NACC1: variants seen among roughly 807,000 people sequenced by gnomAD.
NACC1 encodes nucleus accumbens associated 1.
NACC1 carries 6 observed loss-of-function variants against 41.7 expected under a neutral mutation model. The observed-to-expected ratio is 0.14, with a 90% CI of 0.08 to 0.28. The LOEUF (loss-of-function observed/expected upper bound fraction) is 0.28, where lower values mean the gene tolerates loss of function less well. Ranked by LOEUF, NACC1 falls within the 10% of genes least tolerant of loss-of-function variation. NACC1 has a pLI of 1.00. For synonymous variants in NACC1, 338 were observed against 330.6 expected, an observed-to-expected ratio of 1.02 and a Z score of -0.24; for missense variants, 434 against 763.7, an observed-to-expected ratio of 0.57 and a Z score of 5.09.
At chr19:13,120,191 C>T (rs967625341) in intron 1 of NACC1, among the ~76,000 whole-genome samples, 1 of 152,176 alleles carries the variant, frequency 6.6e-6, no homozygotes, top group African/African-American at 2.4e-5. Flanking sequence ...CTGGTCACCC[C>T]TTCTTCCCCA....
Position 13,135,958 on chromosome 19 carries a change from G to A in NACC1, c.751G>A (p.Gly251Ser), listed in dbSNP as rs756880593. The change falls in exon 2 of 6, where the codon GGT becomes AGT. Residue 251 changes from glycine (G) to serine (S), a missense_variant. Gly to Ser is a moderately conservative substitution (Grantham distance 56, BLOSUM62 0). Around this residue, in one of 4 missense-constraint regions of NACC1, gnomAD observed 234 missense variants for 308.3 expected, o/e 0.76. Transcript: ENST00000292431. The stretch of plus-strand genomic sequence containing the variant: ...AGCCGGTGGGGTGGCAGCAGCAGGG[G>A]GTGTGGTGAGTGGGCCCAGCACGTC... ...QPAGGVAAAG[G>S]VVSGPSTSER... 1 of 1,603,518 alleles carries A rather than the reference G, an allele frequency of 6.2e-7. No homozygotes were observed. Among genetic ancestry groups the A allele is most frequent in the Admixed American group, 1.7e-5 (1 of 57,828 alleles).
chr19:13,128,743 A>G (rs777239963), intron 1 of NACC1, among the ~76,000 whole-genome samples: 9 of 152,234 alleles, frequency 5.9e-5, no homozygotes, highest in African/African-American at 1.2e-4. Context: ...AGGCAGGGCT[A>G]CTTTGTCACC....
At chr19:13,124,075 G>C (rs1003182966) in intron 1 of NACC1, among the ~76,000 whole-genome samples, 3 of 152,154 alleles carry the variant, frequency 2.0e-5, no homozygotes, top group Admixed American at 1.3e-4. Flanking sequence ...CAGGGAAAGA[G>C]ATAACGAATT....
intron 1 of NACC1, among the ~76,000 whole-genome samples, 162 bp downstream of exon 1, chr19:13,118,616 G>A (rs914109999): frequency 1.6e-4 from 24 of 151,616 alleles, no homozygotes; most frequent in African/African-American, 5.6e-4. Context: ...AGCTACCGCG[G>A]GCGGCCTTGA....
At position 13,135,516 on chromosome 19, in the gene NACC1, G is replaced by A. The variant is rs138480405; in HGVS notation, c.309G>A (p.Thr103=). The A allele has an allele frequency of 9.9e-5, 160 of 1,613,614 alleles. No individual in the cohort carries two copies. The African/African-American group carries it at 1.9e-3, about 19-fold the overall frequency. The change falls in exon 2 of 6, where the codon ACG becomes ACA. Residue 103 remains threonine, a synonymous_variant. Coordinates refer to ENST00000292431, the MANE Select transcript of NACC1 (RefSeq NM_052876.4). ...NVGDQFLLMY[T]AGFLQIQEIM... ...GCGACCAGTTCCTGCTCATGTACAC[G>A]GCTGGCTTCCTGCAGATCCAGGAGA...
rs748747167 is a variant in NACC1, at chr19:13,138,325, G to A, written c.1503G>A (p.Pro501=). The A allele has an allele frequency of 3.9e-5, 63 of 1,613,958 alleles. No individual in the cohort carries two copies. Among genetic ancestry groups the A allele is most frequent in the African/African-American group, 1.6e-4 (12 of 74,932 alleles). The change falls in exon 6 of 6, where the codon CCG becomes CCA. Residue 501 remains proline, a synonymous_variant. Coordinates refer to ENST00000292431, the MANE Select transcript of NACC1 (RefSeq NM_052876.4). This position sits in a 1 kb window ranked among gnomAD's most constrained non-coding sequence, Gnocchi z 5.7. Reference sequence around the variant, plus strand: ...TCAGTGAAACGGGCAAGATCGAGCCGGACATGATGGGTGTGGAGCATGGCT... The same window carrying A: ...TCAGTGAAACGGGCAAGATCGAGCCAGACATGATGGGTGTGGAGCATGGCT... ...TFISETGKIE[P]DMMGVEHGFE... is the part of the protein sequence containing the mutation.
chr19:13,123,375 A>G (rs1599983815), intron 1 of NACC1, among the ~76,000 whole-genome samples: 1 of 152,318 alleles, frequency 6.6e-6, no homozygotes, highest in African/African-American at 2.4e-5. Context: ...AGCTTCTGCC[A>G]GGCTCTCCAA....
chr19:13,126,416 A>G (rs1428689954), intron 1 of NACC1, among the ~76,000 whole-genome samples: 1 of 152,158 alleles, frequency 6.6e-6, no homozygotes, highest in Non-Finnish European at 1.5e-5. Context: ...GGAAGAGGCA[A>G]ACATTCAGAC....
At position 13,140,986 on chromosome 19, in the gene NACC1, G is replaced by A. The variant is rs1410889444; in HGVS notation, c.*2580G>A. ...GCTGCCCACCCTGTCCACGTGAAGTGCCAACGCCCTCCCCACCCTGGGCCG... is the reference window on the plus strand; with the variant it reads ...GCTGCCCACCCTGTCCACGTGAAGTACCAACGCCCTCCCCACCCTGGGCCG... On this transcript the variant is annotated 3_prime_UTR_variant, in exon 6 of 6. Transcript: ENST00000292431. This position sits in a 1 kb window ranked among gnomAD's most constrained non-coding sequence, Gnocchi z 4.0. 2.0e-5 allele frequency: 3 copies of A among 152,430 alleles called. No homozygotes were observed. The highest frequency in any genetic ancestry group is 4.4e-5 in the Non-Finnish European group (3 of 68,012). 9.4% of individuals were successfully genotyped at this position (152,430 alleles called of 1,614,324 possible).
rs1463794381 is a variant in NACC1 at position 13,118,286 on chromosome 19, C to T, written c.-177C>T. On this transcript the variant is annotated 5_prime_UTR_variant, in exon 1 of 6. Coordinates refer to ENST00000292431, the MANE Select transcript of NACC1 (RefSeq NM_052876.4). The stretch of plus-strand genomic sequence containing the variant: ...GGCGCTCGGCTGGGGCGGCCTGGCC[C>T]ACAATGAATGGCCGCCGCGGCTGCC... The T allele has an allele frequency of 6.7e-6, 1 of 148,492 alleles. No homozygotes were observed. Among genetic ancestry groups the T allele is most frequent in the Non-Finnish European group, 1.5e-5 (1 of 66,550 alleles). 9.2% of individuals were successfully genotyped at this position (148,492 alleles called of 1,614,324 possible). A position where few individuals can be genotyped will look rare whatever the true frequency, so the allele number is the denominator to read the frequency against.
rs528861311 is a variant in NACC1, at chr19:13,138,036, A to C, written c.1325-111A>C. 8.9e-4 allele frequency: 1,334 copies of C among 1,501,682 alleles called. 3 individuals are homozygous for C. Among genetic ancestry groups the C allele is most frequent in the Non-Finnish European group, 1.0e-3 (1,114 of 1,109,512 alleles). 93.0% of individuals were successfully genotyped at this position (1,501,682 alleles called of 1,614,324 possible). A position where few individuals can be genotyped will look rare whatever the true frequency, so the allele number is the denominator to read the frequency against. ...TGTGGTGTCCTGGCCGCGTGGCCTC[A>C]CTCGTTTCCCCTTTGAGAGGGAGTC... On this transcript the variant is annotated intron_variant, in intron 5 of 5. Transcript: ENST00000292431. This position sits in a 1 kb window ranked among gnomAD's most constrained non-coding sequence, Gnocchi z 5.7.
In NACC1 at chr19:13,138,181, G is replaced by A. The variant is rs1332089590; in HGVS notation, c.1359G>A (p.Glu453=). ...AGAACTTCGCCCCCAACTTCAAGGA[G>A]AGCGAGATGAATGCCATCGCGGCCG... ...YCQNFAPNFK[E]SEMNAIAADM... The change falls in exon 6 of 6, where the codon GAG becomes GAA. Residue 453 remains glutamate, a synonymous_variant. Transcript: ENST00000292431. This position sits in a 1 kb window ranked among gnomAD's most constrained non-coding sequence, Gnocchi z 5.7. 6.2e-7 allele frequency: 1 copy of A among 1,614,154 alleles called. No individual in the cohort carries two copies. The highest frequency in any genetic ancestry group is 8.5e-7 in the Non-Finnish European group (1 of 1,180,002).
rs765549322 is a variant in NACC1, at chr19:13,137,356, C to T, written c.1206C>T (p.Leu402=). The T allele has an allele frequency of 2.2e-5, 36 of 1,613,616 alleles. No homozygotes were observed. The highest frequency in any genetic ancestry group is 3.3e-4 in the Middle Eastern group (2 of 6,082). Residue 402 remains leucine (L), a synonymous_variant, in exon 4 of 6, where the codon CTC becomes CTT. Transcript: ENST00000292431. This position sits in a 1 kb window ranked among gnomAD's most constrained non-coding sequence, Gnocchi z 6.1. ...GTRHKVLLRR[L]LASFFDRNTL... is the part of the protein sequence containing the mutation. ...GGCACAAGGTCCTACTGCGGCGGCT[C>T]CTGGCCTCCTTCTTTGACCGGTAAG...
chr19:13,136,300 G>C lies in NACC1; in HGVS notation c.1015G>C (p.Asp339His), dbSNP rs767834917. 1.9e-6 allele frequency: 3 copies of C among 1,614,146 alleles called. No individual in the cohort carries two copies. Among genetic ancestry groups the C allele is most frequent in the Non-Finnish European group, 2.5e-6 (3 of 1,180,028 alleles). ...ESRNRIRVRQ[D>H]LASLPAELIN... Reference sequence around the variant, plus strand: ...CCGAAATCGCATCCGGGTTCGGCAAGACCTGGCGTCTCTCCCGGCTGAACT... The same window carrying C: ...CCGAAATCGCATCCGGGTTCGGCAACACCTGGCGTCTCTCCCGGCTGAACT... The change falls in exon 3 of 6, where the codon GAC becomes CAC. Residue 339 changes from aspartate to histidine, a missense_variant. Asp to His is a moderately conservative substitution (Grantham distance 81). Coordinates refer to ENST00000292431, the MANE Select transcript of NACC1 (RefSeq NM_052876.4). The surrounding 1 kb of genome is among the most constrained non-coding windows in gnomAD (Gnocchi z 5.5).
chr19:13,133,401 C>T (rs560815085), intron 1 of NACC1, among the ~76,000 whole-genome samples: 3 of 152,118 alleles, frequency 2.0e-5, no homozygotes, highest in Non-Finnish European at 4.4e-5. Context: ...CCTTTGCCTT[C>T]CCTTTGCTTT....
At position 13,137,654 on chromosome 19, in the gene NACC1, G is replaced by A. The variant is rs1038881615; in HGVS notation, c.1324+79G>A. ...TTTTTTCCCAGCCTTGGCTCTCAGA[G>A]AGGGCTAGAGTTCAGTGTTGAGAAG... is the stretch of plus-strand genomic sequence containing the variant. On this transcript the variant is annotated intron_variant, in intron 5 of 5. Coordinates refer to ENST00000292431, the MANE Select transcript of NACC1 (RefSeq NM_052876.4). The surrounding 1 kb of genome is among the most constrained non-coding windows in gnomAD (Gnocchi z 6.1). 1.7e-6 allele frequency: 2 copies of A among 1,211,236 alleles called. No individual in the cohort carries two copies. Among genetic ancestry groups the A allele is most frequent in the Non-Finnish European group, 2.3e-6 (2 of 855,066 alleles). 75.0% of individuals were successfully genotyped at this position (1,211,236 alleles called of 1,614,324 possible).
At position 13,135,055 on chromosome 19, in the gene NACC1, G is replaced by T. The variant is rs2145622732; in HGVS notation, c.-8-145G>T. On this transcript the variant is annotated intron_variant, in intron 1 of 5. Coordinates refer to ENST00000292431, the MANE Select transcript of NACC1 (RefSeq NM_052876.4). ...CAGATAGGGTAGAGGGCTCTGTGTG[G>T]TTTAGCACCATGGTAGATTCCATCG... The T allele has an allele frequency of 3.6e-6, 5 of 1,384,622 alleles. No homozygotes were observed. The South Asian group carries it at 6.2e-5, about 17-fold the overall frequency. The allele number at this position is 1,384,622 out of a possible 1,614,324, so 85.8% of individuals were successfully genotyped here. A position where few individuals can be genotyped will look rare whatever the true frequency, so the allele number is the denominator to read the frequency against.
chr19:13,129,906 AC>A (rs1234299408), intron 1 of NACC1, among the ~76,000 whole-genome samples: 1 of 143,514 alleles, frequency 7.0e-6, no homozygotes, highest in Non-Finnish European at 1.5e-5. Context: ...ACATAGTGAG[AC>A]CCTGTCTTTA....
intron 1 of NACC1, chr19:13,132,427 A>AG (rs1469114592): frequency 6.6e-6 from 1 of 152,444 alleles, no homozygotes; most frequent in Non-Finnish European, 1.5e-5. Flanking sequence ...AAAAAAAAAA[A>AG]AAAGTGCTGG....
Sources: gnomAD v4.1 joint callset for allele counts (sites outside exome capture counted in the v4.1 genomes callset) on GRCh38, gnomAD v4.1.1 for gene constraint, gnomAD v4.1.1 regional missense constraint, Gnocchi (gnomAD v3.1) non-coding constraint, MANE v1.5 for transcripts, NCBI Gene and HGNC (gene_info 2026-07-23, HGNC 2026-07-21) for gene names.